PCDH15: variants seen among roughly 807,000 people sequenced by gnomAD.
The protein encoded by PCDH15 is protocadherin related 15, also known as protocadherin-15.
A neutral mutation model predicts 178.5 loss-of-function variants in PCDH15; 129 were observed. The observed-to-expected ratio is 0.72, with a 90% CI of 0.63 to 0.84. The LOEUF (loss-of-function observed/expected upper bound fraction) is 0.84. Ranked by LOEUF, PCDH15 falls within the 40% of genes least tolerant of loss-of-function variation. PCDH15 has a pLI of 0.00. For synonymous variants in PCDH15, 800 were observed against 732.0 expected (o/e 1.09, Z -1.50); for missense variants, 2,230 against 2,099.9 (o/e 1.06, Z -1.21).
intron 3 of PCDH15, among the ~76,000 whole-genome samples, chr10:54,458,463 A>G (rs112104468): frequency 0.015 from 2,224 of 152,196 alleles, 57 homozygotes; most frequent in African/African-American, 0.051. Flanking sequence ...TCAAAACTTA[A>G]AACTACATAA....
intron 2 of PCDH15, among the ~76,000 whole-genome samples, chr10:55,017,852 T>C (rs1840221298): frequency 6.6e-6 from 1 of 152,110 alleles, no homozygotes; most frequent in Non-Finnish European, 1.5e-5. Flanking sequence ...TTGTTCTGTG[T>C]TCAGTAGTGA....
In PCDH15 at chr10:53,804,352, A is replaced by G. The variant is rs1473428093; in HGVS notation, c.*2227T>C. 6.6e-6 allele frequency: 1 copy of G among 152,034 alleles called. No homozygotes were observed. Among genetic ancestry groups the G allele is most frequent in the Non-Finnish European group, 1.5e-5 (1 of 67,926 alleles). 9.4% of individuals were successfully genotyped at this position (152,034 alleles called of 1,614,324 possible). A position where few individuals can be genotyped will look rare whatever the true frequency, so the allele number is the denominator to read the frequency against. ...ATGTCAGGCCACTAGACTTCTGCCA[A>G]CATCATATTTCCAAATCTACTGGTA... On this transcript the variant is annotated 3_prime_UTR_variant, in exon 38 of 38. Transcript: ENST00000644397.
At chr10:55,005,649 A>C (rs1427554763) in intron 2 of PCDH15, among the ~76,000 whole-genome samples, 2 of 151,862 alleles carry the variant, frequency 1.3e-5, no homozygotes, top group Non-Finnish European at 2.9e-5. Flanking sequence ...TTTTCCCTCT[A>C]TTCTTCTGTA....
chr10:55,384,309 T>C (rs919895137), intron 2 of PCDH15, among the ~76,000 whole-genome samples: 1 of 152,166 alleles, frequency 6.6e-6, no homozygotes, highest in Non-Finnish European at 1.5e-5. Flanking sequence ...CATATTACCA[T>C]TGTGTATTTT....
intron 3 of PCDH15, among the ~76,000 whole-genome samples, chr10:54,864,991 G>A (rs1362729150): frequency 5.9e-5 from 9 of 152,144 alleles, no homozygotes; most frequent in Admixed American, 5.9e-4. Context: ...AGCCATCATA[G>A]AGGCTGTGTT....
intron 10 of PCDH15, among the ~76,000 whole-genome samples, chr10:54,196,394 A>G (rs1209306546): frequency 1.3e-5 from 2 of 152,222 alleles, no homozygotes; most frequent in South Asian, 2.1e-4. Flanking sequence ...CGCCCGCCTC[A>G]GCCTCCCAAA....
chr10:54,907,766 T>G (rs562204158), intron 2 of PCDH15, among the ~76,000 whole-genome samples: 2 of 152,296 alleles, frequency 1.3e-5, no homozygotes, highest in African/African-American at 4.8e-5. Context: ...CTAGGGATAA[T>G]TATTTTCTGT....
At chr10:55,613,495 A>C (rs1403813116) in intron 2 of PCDH15, among the ~76,000 whole-genome samples, 1 of 152,214 alleles carries the variant, frequency 6.6e-6, no homozygotes, top group East Asian at 1.9e-4. Context: ...TATGCTCTGT[A>C]TTAAACATCA....
intron 3 of PCDH15, among the ~76,000 whole-genome samples, chr10:54,471,473 A>T (rs781124623): frequency 3.9e-5 from 6 of 152,118 alleles, no homozygotes; most frequent in Non-Finnish European, 7.4e-5. Flanking sequence ...TTTAGCAATT[A>T]CTCATACAAT....
intron 10 of PCDH15, among the ~76,000 whole-genome samples, chr10:54,199,885 T>C (rs2050057166): frequency 6.6e-6 from 1 of 151,940 alleles, no homozygotes; most frequent in African/African-American, 2.4e-5. Flanking sequence ...TGGGCATGAG[T>C]CTCACTTTCA....
chr10:53,818,191 G>A (rs1317915590), intron 33 of PCDH15, 178 bp from the exon 34 acceptor site: 1 of 381,130 alleles, frequency 2.6e-6, no homozygotes, highest in African/African-American at 2.1e-5. Flanking sequence ...GGAAGATCAT[G>A]GTTTCACACC....
intron 2 of PCDH15, among the ~76,000 whole-genome samples, chr10:55,605,387 C>T (rs1373070654): frequency 6.6e-6 from 1 of 151,182 alleles, no homozygotes. Flanking sequence ...TCCTCCCTAA[C>T]TCATTTTATG....
At chr10:54,293,160 C>T (rs1419748844) in intron 8 of PCDH15, among the ~76,000 whole-genome samples, 1 of 152,078 alleles carries the variant, frequency 6.6e-6, no homozygotes, top group Non-Finnish European at 1.5e-5. Flanking sequence ...AGAAATAACA[C>T]CACACATCTG....
chr10:54,209,516 G>T (rs548438767), intron 10 of PCDH15, among the ~76,000 whole-genome samples: 1 of 152,070 alleles, frequency 6.6e-6, no homozygotes, highest in Non-Finnish European at 1.5e-5. Flanking sequence ...GAAGTGTCTA[G>T]CTTGAGTGGG....
At chr10:54,838,362 A>G (rs572576205) in intron 3 of PCDH15, among the ~76,000 whole-genome samples, 2 of 152,048 alleles carry the variant, frequency 1.3e-5, no homozygotes, top group Non-Finnish European at 2.9e-5. Context: ...TGGTTTTAGA[A>G]AAGGCAGTTC....
intron 1 of PCDH15, among the ~76,000 whole-genome samples, chr10:54,800,570 C>A (rs987454620): frequency 6.6e-6 from 1 of 152,096 alleles, no homozygotes; most frequent in Non-Finnish European, 1.5e-5. Flanking sequence ...TGCCATTTTT[C>A]TGTATTTTTT....
At chr10:55,587,927 G>A (rs1842759289) in intron 2 of PCDH15, among the ~76,000 whole-genome samples, 1 of 152,020 alleles carries the variant, frequency 6.6e-6, no homozygotes, top group Non-Finnish European at 1.5e-5. Flanking sequence ...AGAATAAGAG[G>A]GAAAAAGAAA....
intron 2 of PCDH15, among the ~76,000 whole-genome samples, chr10:55,096,092 C>G (rs1412595807): frequency 6.6e-6 from 1 of 151,952 alleles, no homozygotes; most frequent in African/African-American, 2.4e-5. Flanking sequence ...GAAACAAAAA[C>G]AAAAACAAAT....
intron 37 of PCDH15, chr10:53,808,951 T>C (rs1157326211): frequency 6.4e-7 from 1 of 1,558,630 alleles, no homozygotes; most frequent in Non-Finnish European, 8.7e-7. Context: ...TGGTCCACTT[T>C]CTTCTTCTTC....
Sources: gnomAD v4.1 joint callset for allele counts (sites outside exome capture counted in the v4.1 genomes callset) on GRCh38, gnomAD v4.1.1 for gene constraint, MANE v1.5 for transcripts, NCBI Gene and HGNC (gene_info 2026-07-23, HGNC 2026-07-21) for gene names.